The following SUMF1 variants were observed in gnomAD, a reference collection of about 807,000 sequenced individuals.
The protein encoded by SUMF1 is formylglycine-generating enzyme.
SUMF1 carries 48 observed loss-of-function variants against 47.6 expected under a neutral mutation model. The observed-to-expected ratio is 1.01, with a 90% CI of 0.80 to 1.28. The LOEUF is 1.28. Ranked by LOEUF, SUMF1 falls within the 50% of genes most tolerant of loss-of-function variation. The pLI, the probability that SUMF1 is intolerant of heterozygous loss-of-function variation, is 0.00. For missense variants in SUMF1, 571 were observed against 485.4 expected (o/e 1.18, Z -1.66); for synonymous variants, 230 against 192.1 (o/e 1.20, Z -1.63).
intron 8 of SUMF1, among the ~76,000 whole-genome samples, chr3:4,352,492 G>A (rs548549898): frequency 3.0e-4 from 45 of 152,142 alleles, no homozygotes; most frequent in African/African-American, 1.1e-3. Flanking sequence ...TTCCTCAATG[G>A]CTTTATAATA....
At chr3:4,207,724 A>G (rs1695683877) in intron 8 of SUMF1, among the ~76,000 whole-genome samples, 1 of 152,176 alleles carries the variant, frequency 6.6e-6, no homozygotes, top group Non-Finnish European at 1.5e-5. Context: ...CTATTCTTAA[A>G]TTCATCAAAG....
intron 8 of SUMF1, among the ~76,000 whole-genome samples, chr3:4,363,520 T>G (rs1280504298): frequency 6.6e-6 from 1 of 151,770 alleles, no homozygotes; most frequent in East Asian, 1.9e-4. Flanking sequence ...TTTGGCTCTC[T>G]GTTTGTCTGT....
intron 8 of SUMF1, among the ~76,000 whole-genome samples, chr3:4,351,318 A>T (rs1027223348): frequency 6.6e-6 from 1 of 152,252 alleles, no homozygotes; most frequent in African/African-American, 2.4e-5. Context: ...TCTTAACGAA[A>T]CAATACCCAT....
Position 4,180,683 on chromosome 3 carries a change from A to AACACACACACACACAC in SUMF1, c.1015-111954_1015-111939dup, listed in dbSNP as rs59921396. On this transcript the variant is annotated intron_variant and NMD_transcript_variant, in intron 8 of 12. Coordinates refer to the SUMF1 transcript ENST00000448413. ...ATTGTGCACATGTACCCTAGAACTT[A>AACACACACACACACAC]ACACACACACACACACAAAATTAGC... Among the ~76,000 whole-genome samples the AACACACACACACACAC allele has an allele frequency of 6.4e-3, 889 of 139,720 alleles. 9 individuals carry two copies. The highest frequency in any genetic ancestry group is 0.011 in the South Asian group (46 of 4,210). The allele number at this position is 139,720 out of a possible 152,430, so 91.7% of individuals were successfully genotyped here.
chr3:4,445,817 T>C (rs1453952099), intron 3 of SUMF1, among the ~76,000 whole-genome samples: 1 of 152,210 alleles, frequency 6.6e-6, no homozygotes, highest in Non-Finnish European at 1.5e-5. Flanking sequence ...GAATGCTCAA[T>C]TTTCCAGCTG....
intron 7 of SUMF1, among the ~76,000 whole-genome samples, chr3:4,410,323 T>C (rs552410454): frequency 1.3e-5 from 2 of 152,326 alleles, no homozygotes; most frequent in East Asian, 1.9e-4. Context: ...TTGCCTTCTG[T>C]TCCTAAGTTA....
chr3:4,095,602 C>T (rs1030310663), intron 8 of SUMF1, among the ~76,000 whole-genome samples: 6 of 152,030 alleles, frequency 3.9e-5, no homozygotes, highest in African/African-American at 1.5e-4. Context: ...TGAGATATGA[C>T]CAGCAGCATG....
At chr3:4,396,206 T>C (rs1575171795) in intron 7 of SUMF1, among the ~76,000 whole-genome samples, 1 of 152,236 alleles carries the variant, frequency 6.6e-6, no homozygotes, top group Non-Finnish European at 1.5e-5. Flanking sequence ...GGCCAGGATG[T>C]CTGGCTTCAG....
intron 8 of SUMF1, among the ~76,000 whole-genome samples, chr3:4,081,611 C>T (rs1692561363): frequency 6.6e-6 from 1 of 152,090 alleles, no homozygotes; most frequent in African/African-American, 2.4e-5. Flanking sequence ...TCTGCCACTT[C>T]CTAATTAATT....
intron 7 of SUMF1, among the ~76,000 whole-genome samples, chr3:4,390,100 T>C (rs1194732934): frequency 6.6e-6 from 1 of 152,220 alleles, no homozygotes; most frequent in South Asian, 2.1e-4. Context: ...GTTTTAGCTG[T>C]CTTTCTCTGA....
intron 3 of SUMF1, among the ~76,000 whole-genome samples, chr3:4,446,047 T>C (rs1028168198): frequency 1.3e-5 from 2 of 152,254 alleles, no homozygotes; most frequent in Non-Finnish European, 2.9e-5. Context: ...ATTTATCCTA[T>C]CTGTCCTGTA....
chr3:4,060,827 T>C (rs1695265373), intron 9 of SUMF1, among the ~76,000 whole-genome samples: 1 of 152,174 alleles, frequency 6.6e-6, no homozygotes, highest in African/African-American at 2.4e-5. Flanking sequence ...CTTGGGAAAG[T>C]GTTTGGCACA....
At chr3:4,087,386 T>C (rs906804129) in intron 8 of SUMF1, among the ~76,000 whole-genome samples, 8 of 152,110 alleles carry the variant, frequency 5.3e-5, no homozygotes, top group African/African-American at 1.9e-4. Context: ...ACCATTCCCA[T>C]CTTGCAGGTG....
At chr3:4,255,078 A>G (rs984768170) in intron 8 of SUMF1, among the ~76,000 whole-genome samples, 92 of 150,680 alleles carry the variant, frequency 6.1e-4, no homozygotes, top group Non-Finnish European at 1.1e-3. Flanking sequence ...AGATTTTGTC[A>G]CCACCAGGCC....
At chr3:4,246,678 G>A (rs996251901) in intron 8 of SUMF1, among the ~76,000 whole-genome samples, 7 of 152,108 alleles carry the variant, frequency 4.6e-5, no homozygotes, top group African/African-American at 1.7e-4. Context: ...GGGATTACAG[G>A]CGTGAGCTAC....
intron 8 of SUMF1, among the ~76,000 whole-genome samples, chr3:4,113,760 C>T (rs1369947301): frequency 1.3e-5 from 2 of 151,976 alleles, no homozygotes; most frequent in Non-Finnish European, 2.9e-5. Flanking sequence ...TGTACCACCA[C>T]TCCCAGATCA....
chr3:4,317,086 A>G lies in SUMF1; in HGVS notation c.1014+59244T>C, dbSNP rs1249161741. The G allele has an allele frequency of 6.5e-6, 10 of 1,549,100 alleles. No individual in the cohort carries two copies. In the East Asian group the frequency reaches 2.0e-4, roughly 30 times the overall value. Reference sequence around the variant, plus strand: ...TACCACGTCTTTAAGCATCTCAACAACTTTTTGCAGGGAAAACGCTTCCAC... The same window carrying G: ...TACCACGTCTTTAAGCATCTCAACAGCTTTTTGCAGGGAAAACGCTTCCAC... On this transcript the variant is annotated intron_variant and NMD_transcript_variant, in intron 8 of 12. Coordinates refer to the SUMF1 transcript ENST00000448413.
At chr3:4,427,447 A>G (rs1485554107) in intron 3 of SUMF1, among the ~76,000 whole-genome samples, 1 of 152,208 alleles carries the variant, frequency 6.6e-6, no homozygotes, top group Non-Finnish European at 1.5e-5. Context: ...CACACAGTAA[A>G]AATATTTCCT....
Position 4,362,237 on chromosome 3 carries a change from A to G in SUMF1, c.1032T>C (p.Tyr344=). Residue 344 remains tyrosine (Y), a synonymous_variant, in exon 9 of 9, where the codon TAT becomes TAC. Transcript: ENST00000272902. The part of the protein sequence containing the change: ...YMCHRSYCYR[Y]RCAARSQNTP... ...TGTTCTGGCTCCGAGCAGCACAGCG[A>G]TACCTGTAACAATAAGACTGTGTAG... The G allele has an allele frequency of 6.2e-7, 1 of 1,614,152 alleles. No individual in the cohort carries two copies. Among genetic ancestry groups the G allele is most frequent in the Non-Finnish European group, 8.5e-7 (1 of 1,179,990 alleles).
Sources: allele counts gnomAD v4.1 joint callset (sites outside exome capture counted in the v4.1 genomes callset), GRCh38; gene constraint gnomAD v4.1.1; transcripts MANE v1.5; gene names NCBI Gene and HGNC (gene_info 2026-07-23, HGNC 2026-07-21).